COL21A1: variants seen among roughly 807,000 people sequenced by gnomAD.
The protein encoded by COL21A1 is collagen alpha-1(XXI) chain.
A neutral mutation model predicts 137.9 loss-of-function variants in COL21A1; 149 were observed. The observed-to-expected ratio is 1.08, with a 90% CI of 0.95 to 1.24. The LOEUF (loss-of-function observed/expected upper bound fraction) is 1.24. COL21A1 is among the 50% of genes most tolerant of loss of function. The pLI is 0.00. For synonymous variants in COL21A1, 456 were observed against 391.5 expected (o/e 1.16, Z -1.95); for missense variants, 1,167 against 1,158.4 (o/e 1.01, Z -0.11).
Position 56,067,334 on chromosome 6 carries a change from C to A in COL21A1, c.2092-4G>T, listed in dbSNP as rs1490729216. On this transcript the variant is annotated splice_polypyrimidine_tract_variant and splice_region_variant and intron_variant, in intron 22 of 29. Transcript: ENST00000244728. ...CACCTTGATTTCCTTTGTCCCCCTA[C>A]AAAAAGGCAGTTTGATCTGTATCAT... is the stretch of plus-strand genomic sequence containing the variant. The A allele has an allele frequency of 1.9e-6, 3 of 1,607,948 alleles. No homozygotes were observed. In the African/African-American group the frequency reaches 4.0e-5, roughly 22 times the overall value.
At chr6:56,144,890 T>C (rs1437937116) in intron 10 of COL21A1, among the ~76,000 whole-genome samples, 1 of 152,248 alleles carries the variant, frequency 6.6e-6, no homozygotes, top group African/African-American at 2.4e-5. Context: ...TCACTTTGCC[T>C]AGCAAAGACT....
chr6:56,328,072 T>C (rs1765136008), intron 1 of COL21A1, among the ~76,000 whole-genome samples: 1 of 152,062 alleles, frequency 6.6e-6, no homozygotes. Flanking sequence ...ATTTTAAATG[T>C]TTGTTTTAAG....
At chr6:56,302,788 A>G (rs1239269869) in intron 1 of COL21A1, among the ~76,000 whole-genome samples, 1 of 151,488 alleles carries the variant, frequency 6.6e-6, no homozygotes, top group Non-Finnish European at 1.5e-5. Flanking sequence ...GGTGTTTTAG[A>G]CATGAAGTCC....
At chr6:56,302,053 T>C (rs574779513) in intron 1 of COL21A1, among the ~76,000 whole-genome samples, 44 of 152,170 alleles carry the variant, frequency 2.9e-4, no homozygotes, top group African/African-American at 1.1e-3. Context: ...GCAAAGGACA[T>C]GAACTCATCA....
intron 1 of COL21A1, among the ~76,000 whole-genome samples, chr6:56,225,281 G>A (rs1005259623): frequency 6.6e-6 from 1 of 152,094 alleles, no homozygotes; most frequent in African/African-American, 2.4e-5. Flanking sequence ...AACCCCCCAA[G>A]CTATCAAGAA....
At chr6:56,336,013 C>T (rs1202156944) in intron 1 of COL21A1, among the ~76,000 whole-genome samples, 2 of 152,182 alleles carry the variant, frequency 1.3e-5, no homozygotes, top group East Asian at 3.8e-4. Flanking sequence ...ATAATGAGGA[C>T]AACAGACAAG....
At chr6:56,206,761 T>G (rs1779819974) in intron 1 of COL21A1, among the ~76,000 whole-genome samples, 1 of 146,598 alleles carries the variant, frequency 6.8e-6, no homozygotes, top group Admixed American at 6.9e-5. Flanking sequence ...ACATCACACT[T>G]ATTCTAGAAT....
intron 1 of COL21A1, among the ~76,000 whole-genome samples, chr6:56,357,661 C>A (rs1392732952): frequency 6.6e-6 from 1 of 152,162 alleles, no homozygotes; most frequent in Non-Finnish European, 1.5e-5. Flanking sequence ...AGGGCTCTGC[C>A]ACGGAGAAAT....
intron 12 of COL21A1, among the ~76,000 whole-genome samples, chr6:56,140,984 ATAGT>A (rs1221068131): frequency 6.6e-6 from 1 of 152,208 alleles, no homozygotes; most frequent in Non-Finnish European, 1.5e-5. Flanking sequence ...TAGTAGAATT[ATAGT>A]TATTCTTTTA....
chr6:56,271,307 A>T (rs1763519905), intron 1 of COL21A1, among the ~76,000 whole-genome samples: 3 of 152,192 alleles, frequency 2.0e-5, no homozygotes, highest in African/African-American at 7.2e-5. Context: ...TGGAATTTTG[A>T]ACTTGAGAGA....
At chr6:56,121,828 A>G (rs1772563272) in intron 16 of COL21A1, among the ~76,000 whole-genome samples, 1 of 151,976 alleles carries the variant, frequency 6.6e-6, no homozygotes, top group Non-Finnish European at 1.5e-5. Context: ...AGTAATTTAA[A>G]CAAAAAAAGT....
chr6:56,282,720 A>G (rs9382605), intron 1 of COL21A1, among the ~76,000 whole-genome samples: 33,943 of 151,104 alleles, frequency 0.22, 4,656 homozygotes, highest in Non-Finnish European at 0.31. Flanking sequence ...CAAGAAATGT[A>G]TAAGTCAATT....
At chr6:56,138,893 G>T (rs1169377166) in intron 12 of COL21A1, among the ~76,000 whole-genome samples, 1 of 152,046 alleles carries the variant, frequency 6.6e-6, no homozygotes, top group Non-Finnish European at 1.5e-5. Flanking sequence ...AGGCTATTGG[G>T]AAAATTTAAC....
At chr6:56,185,484 G>A (rs1377240603) in intron 1 of COL21A1, among the ~76,000 whole-genome samples, 2 of 142,368 alleles carry the variant, frequency 1.4e-5, no homozygotes, top group Admixed American at 1.4e-4. Context: ...GCCGGACTGC[G>A]GACTGCAGTG....
At chr6:56,152,488 C>G (rs1432028924) in intron 10 of COL21A1, among the ~76,000 whole-genome samples, 2 of 152,154 alleles carry the variant, frequency 1.3e-5, no homozygotes, top group Admixed American at 6.5e-5. Context: ...TTTGAGACTA[C>G]TATCAGATAC....
intron 1 of COL21A1, among the ~76,000 whole-genome samples, chr6:56,295,358 T>A (rs776457161): frequency 6.6e-6 from 1 of 152,062 alleles, no homozygotes; most frequent in Non-Finnish European, 1.5e-5. Flanking sequence ...AGCTTCATAG[T>A]AAGTTTTGAA....
Position 56,097,816 on chromosome 6 carries a change from T to A in COL21A1, c.1812+3656A>T, listed in dbSNP as rs867395179. Among the ~76,000 whole-genome samples, 11 of 92,414 alleles carry A rather than the reference T, an allele frequency of 1.2e-4. 1 individual carries two copies. The highest frequency in any genetic ancestry group is 4.6e-4 in the African/African-American group (10 of 21,886). The allele number at this position is 92,414 out of a possible 152,430, so 60.6% of individuals were successfully genotyped here. On this transcript the variant is annotated intron_variant, in intron 17 of 29. Coordinates refer to ENST00000244728, the MANE Select transcript of COL21A1 (RefSeq NM_030820.4). ...ATATATAAATCTATATAAATATATA[T>A]AAATACATATAAATATATATAAATA...
At chr6:56,237,196 T>C (rs1781961639) in intron 1 of COL21A1, among the ~76,000 whole-genome samples, 1 of 152,062 alleles carries the variant, frequency 6.6e-6, no homozygotes, top group Non-Finnish European at 1.5e-5. Flanking sequence ...AGTAGCAAAG[T>C]AGTGCACTCT....
At chr6:56,129,046 T>G (rs1773281445) in intron 12 of COL21A1, among the ~76,000 whole-genome samples, 1 of 152,224 alleles carries the variant, frequency 6.6e-6, no homozygotes, top group South Asian at 2.1e-4. Flanking sequence ...TAAACTTTCG[T>G]GTTTCTGCTA....
Sources: gnomAD v4.1 joint callset for allele counts (sites outside exome capture counted in the v4.1 genomes callset) on GRCh38, gnomAD v4.1.1 for gene constraint, MANE v1.5 for transcripts, NCBI Gene and HGNC (gene_info 2026-07-23, HGNC 2026-07-21) for gene names.